Variants in WDR83 observed in about 807,000 individuals in gnomAD.
The protein encoded by WDR83 is WD repeat domain-containing protein 83.
A neutral mutation model predicts 37.7 loss-of-function variants in WDR83; 37 were observed. The ratio of observed to expected loss-of-function variants is 0.98; its 90% confidence interval spans 0.76 to 1.29. WDR83 has a LOEUF of 1.29. Ranked by LOEUF, WDR83 falls within the 50% of genes most tolerant of loss-of-function variation. The pLI, the probability that WDR83 is intolerant of heterozygous loss-of-function variation, is 0.00. For synonymous variants in WDR83, 174 were observed against 181.1 expected, an observed-to-expected ratio of 0.96 and a Z score of 0.31; for missense variants, 445 against 414.4, an observed-to-expected ratio of 1.07 and a Z score of -0.64.
intron 5 of WDR83, 26 bp from the exon 6 acceptor site, chr19:12,670,537 C>T: frequency 1.2e-6 from 2 of 1,614,198 alleles, no homozygotes; most frequent in Middle Eastern, 1.6e-4. Context: ...AGTCCAGCCT[C>T]CTCTGAGTGG....
chr19:12,668,251 C>G (rs1246363810), intron 1 of WDR83: 11 of 1,188,044 alleles, frequency 9.3e-6, no homozygotes, highest in Non-Finnish European at 1.2e-5. Context: ...ACCGAGACGG[C>G]CTCATTCAGG....
At chr19:12,670,864 G>A in intron 7 of WDR83, 43 bp downstream of exon 7, 1 of 1,591,212 alleles carries the variant, frequency 6.3e-7, no homozygotes, top group Non-Finnish European at 8.6e-7. Context: ...GTGCTACGGG[G>A]AATCATAGCT....
rs777699637 is a variant in WDR83, at chr19:12,672,863, G to A, written c.523G>A (p.Val175Met). ...CTCCTGCAGCTCCGTGGATGGCCGC[G>A]TGAGACGCTATGACCTAAGGATGGG... ...EILAGSVDGR[V>M]RRYDLRMGQL... The change falls in exon 8 of 11, where the codon GTG becomes ATG. Residue 175 changes from valine to methionine, a missense_variant. Physicochemically the swap from Val to Met is conservative, Grantham distance 21. Transcript: ENST00000418543. The A allele has an allele frequency of 1.3e-5, 20 of 1,588,742 alleles. No individual in the cohort carries two copies. The highest frequency in any genetic ancestry group is 1.7e-4 in the Middle Eastern group (1 of 5,852).
chr19:12,673,015 C>A lies in WDR83; in HGVS notation c.582C>A (p.Ile194=). 6.2e-7 allele frequency: 1 copy of A among 1,612,342 alleles called. No homozygotes were observed. The highest frequency in any genetic ancestry group is 8.5e-7 in the Non-Finnish European group (1 of 1,178,960). Residue 194 remains isoleucine, a synonymous_variant, in exon 9 of 11, where the codon ATC becomes ATA. Transcript: ENST00000418543. ...ACCCACCCTTCCCCCAAGGCCCCAT[C>A]ACCTGCACCTGCTTCAGCCGGGATG... ...QLFSDYVGSP[I]TCTCFSRDGQ...
intron 1 of WDR83, 106 bp from the exon 2 acceptor site, chr19:12,668,402 A>G: frequency 4.3e-6 from 7 of 1,613,700 alleles, no homozygotes; most frequent in East Asian, 2.2e-5. Context: ...CAGATAGGAC[A>G]TCACCACGGC....
chr19:12,672,918 A>G lies in WDR83; in HGVS notation c.574+4A>G, dbSNP rs752090373. ...CTCTTCTCAGACTACGTGGGCAGTG[A>G]GTGTGGCTGGGGATGTGGGACAGGC... On this transcript the variant is annotated splice_donor_region_variant and intron_variant, in intron 8 of 10. Transcript: ENST00000418543. 6.3e-7 allele frequency: 1 copy of G among 1,599,790 alleles called. No homozygotes were observed. The highest frequency in any genetic ancestry group is 8.5e-7 in the Non-Finnish European group (1 of 1,173,140).
intron 1 of WDR83, among the ~76,000 whole-genome samples, chr19:12,667,614 A>G (rs530211719): frequency 6.6e-6 from 1 of 152,246 alleles, no homozygotes; most frequent in South Asian, 2.1e-4. Context: ...GATCAAGATC[A>G]TGCCATTGCC....
chr19:12,672,807 G>T, intron 7 of WDR83, 40 bp from the exon 8 acceptor site: 1 of 1,552,024 alleles, frequency 6.4e-7, no homozygotes, highest in Non-Finnish European at 8.7e-7. Context: ...AGCCATGTGA[G>T]TGTAGTCAAG....
At chr19:12,669,407 G>T in intron 2 of WDR83, 1 of 1,594,020 alleles carries the variant, frequency 6.3e-7, no homozygotes, top group South Asian at 1.1e-5. Flanking sequence ...TGGACATAGC[G>T]AGTCGAAGGC....
chr19:12,675,733 A>C lies in WDR83; in HGVS notation c.*61A>C. 1.9e-6 allele frequency: 3 copies of C among 1,584,966 alleles called. No homozygotes were observed. The highest frequency in any genetic ancestry group is 2.6e-6 in the Non-Finnish European group (3 of 1,168,084). Reference sequence around the variant, plus strand: ...ACACAGACATGGAAGGACTTCAGATACCATCTTATTCTAGAGACGTAGCTG... The same window carrying C: ...ACACAGACATGGAAGGACTTCAGATCCCATCTTATTCTAGAGACGTAGCTG... On this transcript the variant is annotated 3_prime_UTR_variant, in exon 11 of 11. Coordinates refer to ENST00000418543, the MANE Select transcript of WDR83 (RefSeq NM_001099737.3).
chr19:12,669,300 G>T, intron 2 of WDR83: 1 of 1,605,664 alleles, frequency 6.2e-7, no homozygotes, highest in Middle Eastern at 1.7e-4. Flanking sequence ...GCTTCCCAGG[G>T]CCCCGATCCA....
At chr19:12,673,411 T>C in intron 10 of WDR83, 95 bp downstream of exon 10, 1 of 92,834 alleles carries the variant, frequency 1.1e-5, no homozygotes, top group African/African-American at 7.3e-5. Context: ...GGCTAGGATC[T>C]TTTTTTTTTT....
At chr19:12,671,714 T>C (rs1053143323) in intron 7 of WDR83, among the ~76,000 whole-genome samples, 2 of 152,246 alleles carry the variant, frequency 1.3e-5, no homozygotes, top group Non-Finnish European at 2.9e-5. Flanking sequence ...TTTTGTTTTT[T>C]TTGAGACGCA....
At position 12,668,758 on chromosome 19, in the gene WDR83, C is replaced by A. The variant is rs1599364750; in HGVS notation, c.-37+131C>A. On this transcript the variant is annotated intron_variant, in intron 2 of 10. Coordinates refer to ENST00000418543, the MANE Select transcript of WDR83 (RefSeq NM_001099737.3). ...TTGCCCCACCCGGAATTCCTCAGTCCCACCTGCTCATGGCATACTCTAGAT... is the reference window on the plus strand; with the variant it reads ...TTGCCCCACCCGGAATTCCTCAGTCACACCTGCTCATGGCATACTCTAGAT... The A allele has an allele frequency of 1.3e-5, 9 of 715,448 alleles. No individual in the cohort carries two copies. The South Asian group carries it at 1.4e-4, about 11-fold the overall frequency. 44.3% of individuals were successfully genotyped at this position (715,448 alleles called of 1,614,324 possible).
chr19:12,672,818 G>T (rs2024461178), intron 7 of WDR83, 29 bp from the exon 8 acceptor site: 3 of 1,559,400 alleles, frequency 1.9e-6, no homozygotes, highest in Non-Finnish European at 2.6e-6. Context: ...TGTAGTCAAG[G>T]TTCCCGCTGG....
At chr19:12,670,321 G>A in intron 5 of WDR83, 36 bp downstream of exon 5, 1 of 1,604,786 alleles carries the variant, frequency 6.2e-7, no homozygotes, top group East Asian at 2.2e-5. Context: ...TTTGAGTGGA[G>A]GGGACCCGTA....
intron 2 of WDR83, chr19:12,669,284 A>G (rs759256210): frequency 6.2e-7 from 1 of 1,608,388 alleles, no homozygotes; most frequent in Non-Finnish European, 8.5e-7. Flanking sequence ...CCCGGGATAG[A>G]CAGGCGCTTC....
intron 10 of WDR83, among the ~76,000 whole-genome samples, chr19:12,674,076 C>T (rs1281409693): frequency 1.3e-5 from 2 of 152,208 alleles, no homozygotes; most frequent in East Asian, 1.9e-4. Flanking sequence ...GTAGCCTGCG[C>T]ATGCATCAGT....
intron 10 of WDR83, among the ~76,000 whole-genome samples, chr19:12,675,309 G>A (rs2024541516): frequency 6.6e-6 from 1 of 152,152 alleles, no homozygotes; most frequent in Admixed American, 6.5e-5. Flanking sequence ...AAGACTTGCG[G>A]CCTGAACACC....
Sources: gnomAD v4.1 joint callset for allele counts (sites outside exome capture counted in the v4.1 genomes callset) on GRCh38, gnomAD v4.1.1 for gene constraint, MANE v1.5 for transcripts, NCBI Gene and HGNC (gene_info 2026-07-23, HGNC 2026-07-21) for gene names.